Variants in FSD1 observed in about 807,000 individuals in gnomAD.
The protein encoded by FSD1 is fibronectin type III and SPRY domain-containing protein 1.
Under a neutral mutation model 58.2 loss-of-function variants are expected in FSD1, and 23 were observed. The observed-to-expected ratio is 0.40, with a 90% CI of 0.28 to 0.56. The LOEUF is 0.56. FSD1 is among the 20% of genes least tolerant of loss of function. FSD1 has a pLI of 0.54. For missense variants in FSD1, 563 were observed against 670.8 expected (o/e 0.84, Z 1.78); for synonymous variants, 265 against 263.4 (o/e 1.01, Z -0.06).
intron 9 of FSD1, 133 bp downstream of exon 9, chr19:4,318,638 G>A: frequency 2.3e-6 from 2 of 871,226 alleles, no homozygotes; most frequent in East Asian, 2.7e-5. Context: ...GGGAATGAAG[G>A]GAGAGGAGGT....
At position 4,323,048 on chromosome 19, in the gene FSD1, G is replaced by T; in HGVS notation, c.1102G>T (p.Ala368Ser). ...GGTGCGCTACGAGCCGGACAGCAAGGCGTTCGGCGTGGGCGTGGCCTACCG... is the reference window on the plus strand; with the variant it reads ...GGTGCGCTACGAGCCGGACAGCAAGTCGTTCGGCGTGGGCGTGGCCTACCG... ...WEVRYEPDSK[A>S]FGVGVAYRSL... Residue 368 changes from alanine (A) to serine (S), a missense_variant, in exon 11 of 13, where the codon GCG (alanine) becomes TCG (serine). Coordinates refer to ENST00000221856, the MANE Select transcript of FSD1 (RefSeq NM_024333.3). This position sits in a 1 kb window ranked among gnomAD's most constrained non-coding sequence, Gnocchi z 7.7. 1 of 1,612,084 alleles carries T rather than the reference G, an allele frequency of 6.2e-7. No individual in the cohort carries two copies. The highest frequency in any genetic ancestry group is 1.7e-5 in the Admixed American group (1 of 59,940).
At chr19:4,306,812 C>A (rs1290562611) in intron 3 of FSD1, among the ~76,000 whole-genome samples, 1 of 152,060 alleles carries the variant, frequency 6.6e-6, no homozygotes, top group African/African-American at 2.4e-5. Flanking sequence ...TGGCTCAGAT[C>A]TTCCCCTCCT....
chr19:4,314,557 G>A (rs911694648), intron 7 of FSD1, among the ~76,000 whole-genome samples: 2 of 151,482 alleles, frequency 1.3e-5, no homozygotes, highest in African/African-American at 4.9e-5. Context: ...CCTGATCTCG[G>A]CTCACCGCAA....
In FSD1 at chr19:4,323,037, C is replaced by A. The variant is rs558999778; in HGVS notation, c.1091C>A (p.Pro364Gln). 1 of 1,612,150 alleles carries A rather than the reference C, an allele frequency of 6.2e-7. No individual in the cohort carries two copies. Among genetic ancestry groups the A allele is most frequent in the Non-Finnish European group, 8.5e-7 (1 of 1,179,546 alleles). The change falls in exon 11 of 13, where the codon CCG (proline) becomes CAG (glutamine). Residue 364 changes from proline to glutamine, a missense_variant. Physicochemically the swap from Pro to Gln is moderately conservative, Grantham distance 76. Transcript: ENST00000221856. The surrounding 1 kb of genome is among the most constrained non-coding windows in gnomAD (Gnocchi z 7.7). ...CATTACTGGGAGGTGCGCTACGAGC[C>A]GGACAGCAAGGCGTTCGGCGTGGGC... ...GEHYWEVRYE[P>Q]DSKAFGVGVA...
intron 6 of FSD1, chr19:4,310,900 G>A (rs1971682580): frequency 1.1e-5 from 3 of 267,010 alleles, no homozygotes; most frequent in East Asian, 8.4e-5. Context: ...ATGAGGCCCC[G>A]CCCTGGGGTG....
chr19:4,305,417 C>G (rs1971607688), intron 1 of FSD1, among the ~76,000 whole-genome samples: 1 of 151,946 alleles, frequency 6.6e-6, no homozygotes, highest in South Asian at 2.1e-4. Context: ...AACCCTTTCC[C>G]CAGGTTAGCC....
rs760625894 is a variant in FSD1 at position 4,323,621 on chromosome 19, G to C, written c.1469G>C (p.Ser490Thr). Residue 490 changes from serine (S) to threonine (T), a missense_variant, in exon 13 of 13, where the codon AGC (serine) becomes ACC (threonine). Ser to Thr is a moderately conservative substitution (Grantham distance 58). Coordinates refer to ENST00000221856, the MANE Select transcript of FSD1 (RefSeq NM_024333.3). This position sits in a 1 kb window ranked among gnomAD's most constrained non-coding sequence, Gnocchi z 7.7. Reference sequence around the variant, plus strand: ...CAAAAGCGAGGCAGTGCTACCAGCAGCTCCAACACCAGCCTCACCTAGGCC... The same window carrying C: ...CAAAAGCGAGGCAGTGCTACCAGCACCTCCAACACCAGCCTCACCTAGGCC... ...CLQKRGSATS[S>T]SNTSLT The C allele has an allele frequency of 1.2e-6, 2 of 1,612,772 alleles. No individual in the cohort carries two copies. Among genetic ancestry groups the C allele is most frequent in the African/African-American group, 1.3e-5 (1 of 74,870 alleles).
At position 4,307,937 on chromosome 19, in the gene FSD1, C is replaced by G; in HGVS notation, c.299C>G (p.Thr100Arg). The change falls in exon 4 of 13, where the codon ACA becomes AGA. Residue 100 changes from threonine to arginine, a missense_variant. Transcript: ENST00000221856. ...ALESSEELLE[T>R]ANQTLQAMDS... ...GAGAGCTCCGAGGAGCTTCTGGAGACAGCCAACCAGACTCTGCAGGCCATG... is the reference window on the plus strand; with the variant it reads ...GAGAGCTCCGAGGAGCTTCTGGAGAGAGCCAACCAGACTCTGCAGGCCATG... The G allele has an allele frequency of 1.2e-6, 2 of 1,613,974 alleles. No individual in the cohort carries two copies. Among genetic ancestry groups the G allele is most frequent in the Non-Finnish European group, 1.7e-6 (2 of 1,179,960 alleles).
intron 7 of FSD1, among the ~76,000 whole-genome samples, chr19:4,314,998 A>G (rs771682424): frequency 8.5e-5 from 13 of 152,334 alleles, no homozygotes; most frequent in Admixed American, 2.6e-4. Context: ...ATTCATGGAA[A>G]GCTGTGCAGG....
chr19:4,306,231 G>T lies in FSD1; in HGVS notation c.145G>T (p.Ala49Ser). 6.2e-7 allele frequency: 1 copy of T among 1,614,084 alleles called. No individual in the cohort carries two copies. The highest frequency in any genetic ancestry group is 8.5e-7 in the Non-Finnish European group (1 of 1,179,974). Residue 49 changes from alanine to serine, a missense_variant, in exon 3 of 13, where the codon GCA becomes TCA. Physicochemically the swap from Ala to Ser is moderately conservative, Grantham distance 99. Coordinates refer to ENST00000221856, the MANE Select transcript of FSD1 (RefSeq NM_024333.3). The part of the protein sequence containing the change: ...NSAKVQEDLE[A>S]EFQSLFSLLE... ...GGCGAAGGTGCAGGAGGACCTCGAA[G>T]CAGAGTTCCAGTCCCTCTTCTCCCT...
chr19:4,308,313 C>G (rs529798472), intron 4 of FSD1, among the ~76,000 whole-genome samples: 2 of 152,224 alleles, frequency 1.3e-5, no homozygotes, highest in Middle Eastern at 3.4e-3. Flanking sequence ...GAGGCTGAGG[C>G]GGGAGAATCG....
Position 4,323,183 on chromosome 19 carries a change from G to A in FSD1, c.1237G>A (p.Val413Met). ...FTAKHANKVKVLDAPVPDCLG... is the reference protein window; with the variant it reads ...FTAKHANKVKMLDAPVPDCLG... ...GGCCAAGCACGCCAACAAGGTCAAG[G>A]TGCTGGACGCCCCCGTGCCCGACTG... Residue 413 changes from valine to methionine, a missense_variant, in exon 11 of 13, where the codon GTG (valine) becomes ATG (methionine). Coordinates refer to ENST00000221856, the MANE Select transcript of FSD1 (RefSeq NM_024333.3). This position sits in a 1 kb window ranked among gnomAD's most constrained non-coding sequence, Gnocchi z 7.7. 1 of 1,604,808 alleles carries A rather than the reference G, an allele frequency of 6.2e-7. No individual in the cohort carries two copies. The highest frequency in any genetic ancestry group is 8.5e-7 in the Non-Finnish European group (1 of 1,179,808).
In FSD1 at chr19:4,306,212, G is replaced by C. The variant is rs35696506; in HGVS notation, c.126G>C (p.Lys42Asn). ...TTCCGACCCAGGCGAACTCGGCGAA[G>C]GTGCAGGAGGACCTCGAAGCAGAGT... ...MLLNVEANSA[K>N]VQEDLEAEFQ... The change falls in exon 3 of 13, where the codon AAG (lysine) becomes AAC (asparagine). Residue 42 changes from lysine (K) to asparagine (N), a missense_variant. Lys to Asn is a moderately conservative substitution (Grantham distance 94, BLOSUM62 0). Coordinates refer to ENST00000221856, the MANE Select transcript of FSD1 (RefSeq NM_024333.3). 1.2e-6 allele frequency: 2 copies of C among 1,613,890 alleles called. No homozygotes were observed. The highest frequency in any genetic ancestry group is 1.7e-6 in the Non-Finnish European group (2 of 1,179,962).
chr19:4,308,017 G>T (rs1971642092), intron 4 of FSD1, 34 bp downstream of exon 4: 1 of 1,516,208 alleles, frequency 6.6e-7, no homozygotes, highest in African/African-American at 1.4e-5. Flanking sequence ...GTAAAGAACA[G>T]TGTGCCCAGT....
At chr19:4,320,372 AGG>A (rs1178280680) in intron 10 of FSD1, among the ~76,000 whole-genome samples, 1 of 152,032 alleles carries the variant, frequency 6.6e-6, no homozygotes, top group Non-Finnish European at 1.5e-5. Flanking sequence ...GCTGGGAACT[AGG>A]GGGAGCATCT....
In FSD1 at chr19:4,311,866, T is replaced by A; in HGVS notation, c.515T>A (p.Leu172Gln). The A allele has an allele frequency of 1.2e-6, 2 of 1,614,148 alleles. No individual in the cohort carries two copies. Among genetic ancestry groups the A allele is most frequent in the Non-Finnish European group, 1.7e-6 (2 of 1,180,018 alleles). ...GTGCCCAGCGCACCCGTGATCGACC[T>A]GGCTGAGTCCCTGGTGGCAGATAAC... ...LPVPSAPVIDLAESLVADNCV... is the reference protein window; with the variant it reads ...LPVPSAPVIDQAESLVADNCV... Residue 172 changes from leucine to glutamine, a missense_variant, in exon 7 of 13, where the codon CTG (leucine) becomes CAG (glutamine). Physicochemically the swap from Leu to Gln is moderately radical, Grantham distance 113. Transcript: ENST00000221856.
rs200272896 is a variant in FSD1, at chr19:4,306,191, G to C, written c.112-7G>C. ...GGCTTTGGCCGATTCTGGCTGTTCC[G>C]ACCCAGGCGAACTCGGCGAAGGTGC... On this transcript the variant is annotated splice_region_variant and splice_polypyrimidine_tract_variant and intron_variant, in intron 2 of 12. Coordinates refer to ENST00000221856, the MANE Select transcript of FSD1 (RefSeq NM_024333.3). The C allele has an allele frequency of 2.5e-6, 4 of 1,613,812 alleles. No homozygotes were observed. The highest frequency in any genetic ancestry group is 1.1e-5 in the South Asian group (1 of 91,040).
intron 7 of FSD1, 105 bp from the exon 8 acceptor site, chr19:4,317,077 C>G (rs1403199132): frequency 4.4e-5 from 32 of 730,678 alleles, no homozygotes; most frequent in Non-Finnish European, 7.5e-6. Context: ...TAAGGTGGTT[C>G]TTAGAATGGC....
intron 7 of FSD1, among the ~76,000 whole-genome samples, chr19:4,314,814 C>T (rs925870088): frequency 6.6e-6 from 1 of 152,162 alleles, no homozygotes; most frequent in Non-Finnish European, 1.5e-5. Context: ...CGCGCTCATT[C>T]GGGTGTTCCA....
Sources: gnomAD v4.1 joint callset for allele counts (sites outside exome capture counted in the v4.1 genomes callset) on GRCh38, gnomAD v4.1.1 for gene constraint, Gnocchi (gnomAD v3.1) non-coding constraint, MANE v1.5 for transcripts, NCBI Gene and HGNC (gene_info 2026-07-23, HGNC 2026-07-21) for gene names.